ROBO1: variants seen among roughly 807,000 people sequenced by gnomAD.
ROBO1 encodes the protein roundabout homolog 1.
ROBO1 carries 149 observed loss-of-function variants against 195.9 expected under a neutral mutation model. The ratio of observed to expected loss-of-function variants is 0.76; its 90% CI spans 0.67 to 0.87. The LOEUF is 0.87. ROBO1 is among the 40% of genes least tolerant of loss of function. The pLI is 0.00. For synonymous variants in ROBO1, 816 were observed against 733.2 expected, an observed-to-expected ratio of 1.11 and a Z score of -1.82; for missense variants, 1,933 against 2,068.3, an observed-to-expected ratio of 0.93 and a Z score of 1.27.
chr3:79,657,889 T>G (rs2106800657), intron 1 of ROBO1, among the ~76,000 whole-genome samples: 1 of 152,160 alleles, frequency 6.6e-6, no homozygotes, highest in South Asian at 2.1e-4. Context: ...ACTGATGGAC[T>G]TAGTAAGCCA....
chr3:78,657,663 A>G (rs1463119794), intron 17 of ROBO1, among the ~76,000 whole-genome samples: 2 of 152,212 alleles, frequency 1.3e-5, no homozygotes, highest in Non-Finnish European at 2.9e-5. Context: ...ATACTCATTC[A>G]ACATTTGCAT....
intron 28 of ROBO1, 192 bp from the exon 29 acceptor site, chr3:78,607,233 G>C (rs1703520984): frequency 1.7e-6 from 1 of 596,784 alleles, no homozygotes; most frequent in East Asian, 2.9e-5. Flanking sequence ...TTTATTCTGA[G>C]ACAGGGTCTT....
At chr3:78,944,299 G>GT (rs1166465606) in intron 3 of ROBO1, among the ~76,000 whole-genome samples, 61 of 152,246 alleles carry the variant, frequency 4.0e-4, no homozygotes, top group Non-Finnish European at 1.0e-4. Flanking sequence ...CACTGGAGGT[G>GT]TTCACTTTGC....
At position 79,721,373 on chromosome 3, in the gene ROBO1, TA is replaced by T. The variant is rs1017603861; in HGVS notation, c.-51+46378del. The stretch of plus-strand genomic sequence containing the variant: ...ACTATTGTTTATATCATAAAAAAAC[TA>T]AAAAAAAGTACCAAAACAGTCTCTT... On this transcript the variant is annotated intron_variant, in intron 1 of 30. Coordinates refer to ENST00000464233, the MANE Select transcript of ROBO1 (RefSeq NM_002941.4). 3.3e-5 allele frequency among the ~76,000 whole-genome samples: 5 copies of T among 151,778 alleles called. No homozygotes were observed. The East Asian group carries it at 5.8e-4, about 18-fold the overall frequency.
At chr3:79,070,452 C>T (rs2079069059) in intron 3 of ROBO1, among the ~76,000 whole-genome samples, 1 of 151,760 alleles carries the variant, frequency 6.6e-6, no homozygotes. Flanking sequence ...TAACAAATTT[C>T]CTGGGAATGA....
At chr3:78,624,565 G>A (rs1426929950) in intron 26 of ROBO1, among the ~76,000 whole-genome samples, 2 of 152,082 alleles carry the variant, frequency 1.3e-5, no homozygotes, top group African/African-American at 4.8e-5. Context: ...CCATTTGCCT[G>A]AAACAATAGA....
chr3:79,664,479 C>T (rs1208290967), intron 1 of ROBO1, among the ~76,000 whole-genome samples: 1 of 152,046 alleles, frequency 6.6e-6, no homozygotes, highest in Non-Finnish European at 1.5e-5. Flanking sequence ...CCTTGTCCTA[C>T]ATCTTCCCCT....
chr3:79,479,352 G>A (rs539945107), intron 2 of ROBO1, among the ~76,000 whole-genome samples: 1 of 152,096 alleles, frequency 6.6e-6, no homozygotes, highest in Non-Finnish European at 1.5e-5. Flanking sequence ...CCTCGCATGC[G>A]CACTTCACAA....
chr3:79,292,615 C>T (rs929180197), intron 2 of ROBO1, among the ~76,000 whole-genome samples: 1 of 152,086 alleles, frequency 6.6e-6, no homozygotes, highest in Non-Finnish European at 1.5e-5. Flanking sequence ...AAGGCCTTTT[C>T]TTTATCTATT....
intron 2 of ROBO1, among the ~76,000 whole-genome samples, chr3:79,505,210 T>C (rs1261898204): frequency 1.5e-5 from 2 of 131,270 alleles, no homozygotes; most frequent in Admixed American, 1.5e-4. Context: ...AACTTCTTTC[T>C]ATATATTTTT....
intron 1 of ROBO1, among the ~76,000 whole-genome samples, chr3:79,592,546 T>A (rs1436699420): frequency 6.6e-6 from 1 of 151,990 alleles, no homozygotes; most frequent in African/African-American, 2.4e-5. Flanking sequence ...TTTTAATAGA[T>A]TTTACCTTTT....
At chr3:78,951,548 C>A (rs17379314) in intron 3 of ROBO1, among the ~76,000 whole-genome samples, 6 of 151,972 alleles carry the variant, frequency 3.9e-5, no homozygotes, top group Non-Finnish European at 8.8e-5. Context: ...AGACTGATGA[C>A]GTGAGGCTTT....
At chr3:78,656,535 TAG>T (rs1707033026) in intron 18 of ROBO1, among the ~76,000 whole-genome samples, 1 of 151,938 alleles carries the variant, frequency 6.6e-6, no homozygotes, top group Admixed American at 6.6e-5. Context: ...GTATTTTTAG[TAG>T]AGACGGGGTT....
intron 4 of ROBO1, among the ~76,000 whole-genome samples, chr3:78,866,521 T>C (rs1414317563): frequency 6.6e-6 from 1 of 152,222 alleles, no homozygotes; most frequent in Non-Finnish European, 1.5e-5. Context: ...TTTCCTTGAA[T>C]GTACATGGTT....
At chr3:79,128,256 C>T (rs1280036263) in intron 2 of ROBO1, among the ~76,000 whole-genome samples, 1 of 152,102 alleles carries the variant, frequency 6.6e-6, no homozygotes, top group East Asian at 1.9e-4. Context: ...ACAGGTTCAG[C>T]TGCAATTGGT....
At chr3:79,754,136 T>C (rs991620019) in intron 1 of ROBO1, among the ~76,000 whole-genome samples, 4 of 152,142 alleles carry the variant, frequency 2.6e-5, no homozygotes, top group African/African-American at 9.7e-5. Context: ...AGAAGTCAAT[T>C]ATTAAAGAGG....
intron 3 of ROBO1, among the ~76,000 whole-genome samples, chr3:78,981,548 A>T (rs2076990277): frequency 1.3e-5 from 2 of 152,142 alleles, no homozygotes; most frequent in South Asian, 4.1e-4. Context: ...TGAGAAACAG[A>T]TCTCCAAAAC....
At chr3:79,500,775 G>A (rs1028948733) in intron 2 of ROBO1, among the ~76,000 whole-genome samples, 1 of 152,120 alleles carries the variant, frequency 6.6e-6, no homozygotes, top group East Asian at 1.9e-4. Context: ...TTTTCAGAGA[G>A]GCTAAATTTA....
At chr3:79,400,838 A>G (rs2037343936) in intron 2 of ROBO1, among the ~76,000 whole-genome samples, 1 of 151,964 alleles carries the variant, frequency 6.6e-6, no homozygotes, top group Non-Finnish European at 1.5e-5. Context: ...ATAATTTAGT[A>G]AAAACAATTC....
Sources: gnomAD v4.1 joint callset for allele counts (sites outside exome capture counted in the v4.1 genomes callset) on GRCh38, gnomAD v4.1.1 for gene constraint, MANE v1.5 for transcripts, NCBI Gene and HGNC (gene_info 2026-07-23, HGNC 2026-07-21) for gene names.